The following PIK3C2G variants were observed in gnomAD, a reference collection of about 807,000 sequenced individuals.
PIK3C2G encodes the protein phosphatidylinositol-4-phosphate 3-kinase catalytic subunit type 2 gamma.
PIK3C2G carries 168 observed loss-of-function variants against 181.1 expected under a neutral mutation model. That is an observed-to-expected ratio of 0.93 (90% CI 0.82 to 1.05). The LOEUF is 1.05. Ranked by LOEUF, PIK3C2G falls within the 50% of genes least tolerant of loss-of-function variation. PIK3C2G has a pLI of 0.00. For synonymous variants in PIK3C2G, 573 were observed against 592.2 expected, an observed-to-expected ratio of 0.97 and a Z score of 0.47; for missense variants, 1,869 against 1,732.8, an observed-to-expected ratio of 1.08 and a Z score of -1.40.
intron 18 of PIK3C2G, among the ~76,000 whole-genome samples, chr12:18,472,399 T>C (rs1209946848): frequency 6.6e-6 from 1 of 152,170 alleles, no homozygotes; most frequent in African/African-American, 2.4e-5. Context: ...GTCCCAATCA[T>C]GTTATATCAC....
upstream of PIK3C2G, among the ~76,000 whole-genome samples, chr12:18,258,486 A>C (rs1591763355): frequency 1.3e-5 from 2 of 151,924 alleles, no homozygotes; most frequent in East Asian, 3.9e-4. Context: ...CTCTGCTCCT[A>C]TTAATTTAAC....
chr12:18,709,467 T>C, the PIK3C2G span, among the ~76,000 whole-genome samples: 1 of 152,190 alleles, frequency 6.6e-6, no homozygotes, highest in Non-Finnish European at 1.5e-5. Context: ...TCCAACTTTG[T>C]TTTCATTTCT....
Position 18,648,064 on chromosome 12 carries a change from C to T in PIK3C2G, c.*36C>T. 1 of 1,393,368 alleles carries T rather than the reference C, an allele frequency of 7.2e-7. No homozygotes were observed. The allele number at this position is 1,393,368 out of a possible 1,614,324, so 86.3% of individuals were successfully genotyped here. On this transcript the variant is annotated 3_prime_UTR_variant, in exon 33 of 33. Coordinates refer to ENST00000538779, the MANE Select transcript of PIK3C2G (RefSeq NM_001288772.2). Reference sequence around the variant, plus strand: ...GAACATATGCATTATTCATTAACTACTTGTATTTTTTTCACTTCTGGGCCT... The same window carrying T: ...GAACATATGCATTATTCATTAACTATTTGTATTTTTTTCACTTCTGGGCCT...
At chr12:18,473,277 GT>G (rs1167157031) in intron 18 of PIK3C2G, among the ~76,000 whole-genome samples, 1 of 152,152 alleles carries the variant, frequency 6.6e-6, no homozygotes, top group Non-Finnish European at 1.5e-5. Context: ...ATGTTTGTAG[GT>G]TTGTTTTTGT....
intron 18 of PIK3C2G, among the ~76,000 whole-genome samples, chr12:18,472,901 T>C (rs929852446): frequency 3.3e-5 from 5 of 152,132 alleles, no homozygotes; most frequent in African/African-American, 1.2e-4. Flanking sequence ...GGTTTCACCA[T>C]GTTGGCCAGG....
the PIK3C2G span, among the ~76,000 whole-genome samples, chr12:18,712,687 T>C: frequency 2.0e-5 from 3 of 152,176 alleles, no homozygotes; most frequent in Admixed American, 6.5e-5. Context: ...TACCTTTAAC[T>C]ATATACAACA....
chr12:18,545,833 T>A (rs12308828), intron 25 of PIK3C2G, among the ~76,000 whole-genome samples: 1,795 of 152,038 alleles, frequency 0.012, 41 homozygotes, highest in African/African-American at 0.041. Context: ...TCACTTACAG[T>A]TTTGTGGAGA....
chr12:18,596,115 T>G (rs1947347007), intron 30 of PIK3C2G, among the ~76,000 whole-genome samples: 1 of 152,088 alleles, frequency 6.6e-6, no homozygotes, highest in African/African-American at 2.4e-5. Flanking sequence ...AAAGAACAAC[T>G]ATGAAGGACA....
At chr12:18,267,606 G>C (rs953441062) in intron 1 of PIK3C2G, among the ~76,000 whole-genome samples, 11 of 152,070 alleles carry the variant, frequency 7.2e-5, no homozygotes, top group African/African-American at 2.7e-4. Context: ...TTATTGACCT[G>C]TTAGAGCATG....
chr12:18,493,749 T>C (rs980526625), intron 20 of PIK3C2G: 26 of 152,222 alleles, frequency 1.7e-4, no homozygotes, highest in African/African-American at 6.3e-4. Flanking sequence ...TCAACTATAC[T>C]GGGGAGAAGC....
chr12:18,417,331 C>T (rs1007911218), intron 16 of PIK3C2G, among the ~76,000 whole-genome samples: 1 of 152,020 alleles, frequency 6.6e-6, no homozygotes, highest in African/African-American at 2.4e-5. Context: ...GATTTAGAAT[C>T]CTATATAAAC....
chr12:18,529,302 T>C (rs2136210113), intron 24 of PIK3C2G, among the ~76,000 whole-genome samples: 1 of 152,290 alleles, frequency 6.6e-6, no homozygotes, highest in African/African-American at 2.4e-5. Context: ...ATTTTCTCTT[T>C]GAGTGAAAAG....
intron 26 of PIK3C2G, among the ~76,000 whole-genome samples, chr12:18,558,093 G>A (rs1294332740): frequency 2.0e-5 from 3 of 152,098 alleles, no homozygotes; most frequent in Non-Finnish European, 2.9e-5. Context: ...CATTCTTCTG[G>A]ATTTCAAGAT....
chr12:18,591,269 G>C (rs1407849727), intron 29 of PIK3C2G, among the ~76,000 whole-genome samples: 1 of 151,890 alleles, frequency 6.6e-6, no homozygotes, highest in Non-Finnish European at 1.5e-5. Context: ...AATTTACAAT[G>C]ATGCATAAAC....
chr12:18,408,744 G>A (rs1429906469), intron 16 of PIK3C2G, among the ~76,000 whole-genome samples: 1 of 151,902 alleles, frequency 6.6e-6, no homozygotes, highest in African/African-American at 2.4e-5. Flanking sequence ...CAAAAAGTAG[G>A]TGAAGGACTT....
At chr12:18,304,451 T>A (rs1186166573) in intron 5 of PIK3C2G, among the ~76,000 whole-genome samples, 1 of 152,148 alleles carries the variant, frequency 6.6e-6, no homozygotes, top group African/African-American at 2.4e-5. Context: ...GAGATGAGGT[T>A]TCACCATGTT....
At chr12:18,611,433 A>T (rs776399609) in intron 31 of PIK3C2G, among the ~76,000 whole-genome samples, 1 of 152,048 alleles carries the variant, frequency 6.6e-6, no homozygotes, top group African/African-American at 2.4e-5. Context: ...TTAAAATTCA[A>T]TCCTAGGCCT....
the PIK3C2G span, among the ~76,000 whole-genome samples, chr12:18,710,213 T>A: frequency 6.7e-6 from 1 of 149,582 alleles, no homozygotes; most frequent in Admixed American, 6.8e-5. Context: ...TCTTAGAAGC[T>A]GTAGGCTTTT....
At chr12:18,284,115 G>A (rs1474363461) in intron 2 of PIK3C2G, among the ~76,000 whole-genome samples, 1 of 152,116 alleles carries the variant, frequency 6.6e-6, no homozygotes, top group Admixed American at 6.6e-5. Flanking sequence ...GCTTGGCCAA[G>A]TATTGGGATG....
Sources: gnomAD v4.1 joint callset for allele counts (sites outside exome capture counted in the v4.1 genomes callset) on GRCh38, gnomAD v4.1.1 for gene constraint, MANE v1.5 for transcripts, NCBI Gene and HGNC (gene_info 2026-07-23, HGNC 2026-07-21) for gene names.